Variants in THSD7A observed in about 807,000 individuals in gnomAD.
THSD7A encodes the protein thrombospondin type-1 domain-containing protein 7A.
In THSD7A, 96 loss-of-function variants were observed where a neutral mutation model predicts 231.3. The ratio of observed to expected loss-of-function variants is 0.41; its 90% CI spans 0.35 to 0.49. The LOEUF (loss-of-function observed/expected upper bound fraction) is 0.49, where lower values mean the gene tolerates loss of function less well. Among genes scored for constraint, THSD7A ranks in the 20% least tolerant of loss-of-function variants. THSD7A has a pLI of 0.05. For missense variants in THSD7A, 2,290 were observed against 2,070.2 expected (o/e 1.11, Z -2.06); for synonymous variants, 940 against 743.3 (o/e 1.26, Z -4.30).
intron 23 of THSD7A, among the ~76,000 whole-genome samples, chr7:11,392,484 G>A (rs939820825): frequency 5.9e-5 from 9 of 152,162 alleles, no homozygotes; most frequent in Non-Finnish European, 1.0e-4. Flanking sequence ...CTAGTTGCAA[G>A]AGTTTTTTTT....
chr7:11,659,598 G>A (rs922070491), intron 1 of THSD7A, among the ~76,000 whole-genome samples: 2 of 151,164 alleles, frequency 1.3e-5, no homozygotes, highest in Non-Finnish European at 3.0e-5. Flanking sequence ...GCAATTATCT[G>A]TCTCTTATTA....
intron 4 of THSD7A, among the ~76,000 whole-genome samples, chr7:11,583,677 CA>C (rs1231488187): frequency 6.6e-6 from 1 of 152,104 alleles, no homozygotes; most frequent in African/African-American, 2.4e-5. Flanking sequence ...TTTTTCCTTG[CA>C]TAATTCATAA....
chr7:11,381,745 G>T (rs1397651772), intron 24 of THSD7A, among the ~76,000 whole-genome samples: 1 of 152,114 alleles, frequency 6.6e-6, no homozygotes, highest in African/African-American at 2.4e-5. Flanking sequence ...TAAGGTTCTG[G>T]TTCTGACTTG....
At chr7:11,528,924 C>G (rs928467792) in intron 6 of THSD7A, among the ~76,000 whole-genome samples, 2 of 152,116 alleles carry the variant, frequency 1.3e-5, no homozygotes, top group Admixed American at 6.6e-5. Context: ...TTAAAGATTA[C>G]TACAGCTTTC....
intron 1 of THSD7A, among the ~76,000 whole-genome samples, chr7:11,683,118 C>T (rs547080422): frequency 7.8e-6 from 1 of 128,762 alleles, no homozygotes; most frequent in Non-Finnish European, 1.6e-5. Flanking sequence ...GAGACTCCAT[C>T]TCAAAAAAAA....
At chr7:11,527,336 A>G (rs1037344887) in intron 6 of THSD7A, among the ~76,000 whole-genome samples, 2 of 152,090 alleles carry the variant, frequency 1.3e-5, no homozygotes, top group Non-Finnish European at 2.9e-5. Context: ...CCAAAGGGAG[A>G]TGAGAATCAG....
chr7:11,541,107 C>T (rs569484696), intron 6 of THSD7A, among the ~76,000 whole-genome samples: 2 of 152,184 alleles, frequency 1.3e-5, no homozygotes, highest in South Asian at 2.1e-4. Flanking sequence ...AAAAAAGTTA[C>T]CTTTACTTGT....
At chr7:11,743,421 T>C (rs1222745245) in intron 1 of THSD7A, among the ~76,000 whole-genome samples, 1 of 151,930 alleles carries the variant, frequency 6.6e-6, no homozygotes, top group Admixed American at 6.6e-5. Flanking sequence ...CCATCAATTT[T>C]TGGATAAGGC....
chr7:11,713,805 A>G (rs1028056938), intron 1 of THSD7A, among the ~76,000 whole-genome samples: 2 of 151,228 alleles, frequency 1.3e-5, no homozygotes, highest in Non-Finnish European at 3.0e-5. Flanking sequence ...AATTCCTATC[A>G]GTGGGTGCTG....
intron 6 of THSD7A, among the ~76,000 whole-genome samples, chr7:11,506,700 T>C (rs939506245): frequency 6.6e-6 from 1 of 152,228 alleles, no homozygotes; most frequent in Non-Finnish European, 1.5e-5. Context: ...TGGAACACTT[T>C]AAGCATTCTA....
In THSD7A at chr7:11,537,199, C is replaced by T. The variant is rs143116164; in HGVS notation, c.1822+4220G>A. ...GTTTTCCCCTTCCTCATCTTATAGGCGGAAACATATCTTATTACAGAAGGA... is the reference window on the plus strand; with the variant it reads ...GTTTTCCCCTTCCTCATCTTATAGGTGGAAACATATCTTATTACAGAAGGA... On this transcript the variant is annotated intron_variant, in intron 6 of 27. Coordinates refer to ENST00000423059, the MANE Select transcript of THSD7A (RefSeq NM_015204.3). Among the ~76,000 whole-genome samples, 483 of 152,156 alleles carry T rather than the reference C, an allele frequency of 3.2e-3. 2 individuals are homozygous for T. Among genetic ancestry groups the T allele is most frequent in the Middle Eastern group, 0.017 (5 of 294 alleles).
chr7:11,594,394 T>C (rs1449142429), intron 2 of THSD7A, among the ~76,000 whole-genome samples: 1 of 152,194 alleles, frequency 6.6e-6, no homozygotes, highest in East Asian at 1.9e-4. Flanking sequence ...GATGGAATTC[T>C]TTCATTGGTT....
At chr7:11,395,053 G>A (rs904832915) in intron 23 of THSD7A, among the ~76,000 whole-genome samples, 2 of 152,018 alleles carry the variant, frequency 1.3e-5, no homozygotes, top group African/African-American at 4.8e-5. Context: ...ACCCATTGGT[G>A]GGCTATATTC....
In THSD7A at chr7:11,634,107, G is replaced by C. The variant is rs1037574878; in HGVS notation, c.1022+2023C>G. 2.0e-5 allele frequency among the ~76,000 whole-genome samples: 3 copies of C among 151,926 alleles called. No individual in the cohort carries two copies. Among genetic ancestry groups the C allele is most frequent in the African/African-American group, 4.8e-5 (2 of 41,354 alleles). Reference sequence around the variant, plus strand: ...ATCTCTTCTTCTCTAGGACTTTCTTGATCACACATGATAATTCATATATAA... The same window carrying C: ...ATCTCTTCTTCTCTAGGACTTTCTTCATCACACATGATAATTCATATATAA... On this transcript the variant is annotated intron_variant, in intron 2 of 27. Coordinates refer to ENST00000423059, the MANE Select transcript of THSD7A (RefSeq NM_015204.3). The surrounding 1 kb of genome is among the most constrained non-coding windows in gnomAD (Gnocchi z 4.1).
chr7:11,736,350 A>C (rs1031293757), intron 1 of THSD7A, among the ~76,000 whole-genome samples: 39 of 151,914 alleles, frequency 2.6e-4, no homozygotes, highest in Admixed American at 1.1e-3. Context: ...AGTCCCAGCT[A>C]CTCAGGAGGC....
At chr7:11,543,709 T>C (rs1231494784) in intron 4 of THSD7A, among the ~76,000 whole-genome samples, 1 of 152,218 alleles carries the variant, frequency 6.6e-6, no homozygotes, top group Non-Finnish European at 1.5e-5. Flanking sequence ...TATCTGCATA[T>C]GTGACACAAA....
chr7:11,798,280 G>A (rs1034915031), intron 1 of THSD7A, among the ~76,000 whole-genome samples: 1 of 151,972 alleles, frequency 6.6e-6, no homozygotes, highest in African/African-American at 2.4e-5. Context: ...GACCAGCCTG[G>A]CCAACATGGT....
chr7:11,555,668 A>G (rs1488162025), intron 4 of THSD7A, among the ~76,000 whole-genome samples: 1 of 151,690 alleles, frequency 6.6e-6, no homozygotes, highest in Non-Finnish European at 1.5e-5. Context: ...GTCATTTCCA[A>G]CTACAATTAT....
At chr7:11,608,740 A>G (rs1474102569) in intron 2 of THSD7A, among the ~76,000 whole-genome samples, 1 of 152,136 alleles carries the variant, frequency 6.6e-6, no homozygotes, top group South Asian at 2.1e-4. Flanking sequence ...CTAAACTTTC[A>G]TTCCCTTAGA....
Sources: gnomAD v4.1 joint callset for allele counts (sites outside exome capture counted in the v4.1 genomes callset) on GRCh38, gnomAD v4.1.1 for gene constraint, Gnocchi (gnomAD v3.1) non-coding constraint, MANE v1.5 for transcripts, NCBI Gene and HGNC (gene_info 2026-07-23, HGNC 2026-07-21) for gene names.